Variants in PPP2R2B observed in about 807,000 individuals in gnomAD.
The protein encoded by PPP2R2B is serine/threonine-protein phosphatase 2A 55 kDa regulatory subunit B beta isoform.
PPP2R2B carries 5 observed loss-of-function variants against 46.0 expected under a neutral mutation model. The ratio of observed to expected loss-of-function variants is 0.11; its 90% CI spans 0.06 to 0.23. The LOEUF is 0.23. Ranked by LOEUF, PPP2R2B falls within the 10% of genes least tolerant of loss-of-function variation. PPP2R2B has a pLI of 1.00. For missense variants in PPP2R2B, 367 were observed against 575.0 expected, an observed-to-expected ratio of 0.64 and a Z score of 3.70; for synonymous variants, 215 against 206.7, an observed-to-expected ratio of 1.04 and a Z score of -0.34.
intron 7 of PPP2R2B, among the ~76,000 whole-genome samples, chr5:146,602,805 C>T (rs1771910157): frequency 6.6e-6 from 1 of 152,132 alleles, no homozygotes; most frequent in South Asian, 2.1e-4. Flanking sequence ...GCCTCTGACC[C>T]AATGTCTTAG....
At chr5:146,946,464 T>C (rs1360534690) in intron 1 of PPP2R2B, among the ~76,000 whole-genome samples, 1 of 152,124 alleles carries the variant, frequency 6.6e-6, no homozygotes, top group Non-Finnish European at 1.5e-5. Context: ...GTGCAATCAA[T>C]AGTGTTACTT....
upstream of PPP2R2B, chr5:146,878,872 C>G (rs531687872): frequency 8.4e-7 from 1 of 1,184,648 alleles, no homozygotes; most frequent in East Asian, 4.2e-5. The surrounding 1 kb of genome is among the most constrained non-coding windows in gnomAD (Gnocchi z 4.5). Context: ...TGCGGCTGCT[C>G]TTTGCTGCAG....
At chr5:146,674,363 A>G (rs985224263) in intron 5 of PPP2R2B, among the ~76,000 whole-genome samples, 2 of 152,306 alleles carry the variant, frequency 1.3e-5, no homozygotes, top group East Asian at 1.9e-4. Context: ...GATTTCAACT[A>G]TGGGATTTCT....
intron 7 of PPP2R2B, among the ~76,000 whole-genome samples, chr5:146,624,298 A>G (rs1773897369): frequency 6.6e-6 from 1 of 152,186 alleles, no homozygotes; most frequent in African/African-American, 2.4e-5. Context: ...CAGAATTTGT[A>G]AATTTCCCCT....
chr5:147,049,500 A>G (rs960068600), intron 1 of PPP2R2B, among the ~76,000 whole-genome samples: 1 of 152,146 alleles, frequency 6.6e-6, no homozygotes, highest in Non-Finnish European at 1.5e-5. Context: ...GGAGTTGGAT[A>G]TAGAAATTAA....
intron 5 of PPP2R2B, among the ~76,000 whole-genome samples, chr5:146,668,666 T>C (rs1053990521): frequency 6.6e-6 from 1 of 152,234 alleles, no homozygotes. Flanking sequence ...TCTGCAACTT[T>C]ACTTTGGCTG....
Position 146,878,341 on chromosome 5 carries a change from G to A in PPP2R2B, c.-124-146C>T, listed in dbSNP as rs1267465371. On this transcript the variant is annotated intron_variant, in intron 1 of 9. Coordinates refer to ENST00000394411, the MANE Select transcript of PPP2R2B (RefSeq NM_181675.4). The surrounding 1 kb of genome is among the most constrained non-coding windows in gnomAD (Gnocchi z 4.5). ...AGCTCCAGTTCCCAGCGAGGATGCT[G>A]CGCCTGCCTCCGCTGCCTCCGGGTG... The A allele has an allele frequency of 4.1e-5, 59 of 1,438,178 alleles. No individual in the cohort carries two copies. Among genetic ancestry groups the A allele is most frequent in the Non-Finnish European group, 4.6e-5 (51 of 1,103,046 alleles). The allele number at this position is 1,438,178 out of a possible 1,614,324, so 89.1% of individuals were successfully genotyped here. A position where few individuals can be genotyped will look rare whatever the true frequency, so the allele number is the denominator to read the frequency against.
At chr5:146,642,927 T>G (rs1281291302) in intron 6 of PPP2R2B, among the ~76,000 whole-genome samples, 1 of 152,068 alleles carries the variant, frequency 6.6e-6, no homozygotes, top group African/African-American at 2.4e-5. Context: ...TGTGGTGGCA[T>G]GCACCTGTAG....
intron 5 of PPP2R2B, among the ~76,000 whole-genome samples, chr5:146,683,533 A>G (rs1778306210): frequency 6.6e-6 from 1 of 152,238 alleles, no homozygotes; most frequent in Admixed American, 6.5e-5. Flanking sequence ...AAATTAGCCA[A>G]TGCATGCAAA....
intron 2 of PPP2R2B, among the ~76,000 whole-genome samples, chr5:146,874,396 A>T (rs1477373522): frequency 6.6e-6 from 1 of 152,222 alleles, no homozygotes; most frequent in African/African-American, 2.4e-5. Context: ...ACAGTTTTTT[A>T]AAAAGGCTTC....
intron 2 of PPP2R2B, among the ~76,000 whole-genome samples, chr5:146,875,714 A>G (rs1421121769): frequency 6.6e-6 from 1 of 152,256 alleles, no homozygotes; most frequent in Non-Finnish European, 1.5e-5. Flanking sequence ...AGCAAGATCT[A>G]TGGAAGGACT....
rs1257682708 is a variant in PPP2R2B at position 147,011,070 on chromosome 5, TGC to T, written c.79+44593_79+44594del. On this transcript the variant is annotated intron_variant, in intron 1 of 8. Coordinates refer to the PPP2R2B transcript ENST00000336640. ...GCTCCCTTCCTGTGACCTTTCTGGA[TGC>T]CTTTCCGACTACTGCCCCTTCTTCA... Among the ~76,000 whole-genome samples, 729 of 152,294 alleles carry T rather than the reference TGC, an allele frequency of 4.8e-3. 4 individuals are homozygous for T. Among genetic ancestry groups the T allele is most frequent in the African/African-American group, 0.017 (691 of 41,574 alleles).
At chr5:146,793,653 C>A (rs1203157492) in intron 2 of PPP2R2B, among the ~76,000 whole-genome samples, 1 of 152,152 alleles carries the variant, frequency 6.6e-6, no homozygotes, top group Non-Finnish European at 1.5e-5. Flanking sequence ...GGGACTGAAA[C>A]CCAGGCAGTC....
At chr5:146,819,512 C>T (rs1176790120) in intron 2 of PPP2R2B, among the ~76,000 whole-genome samples, 1 of 152,102 alleles carries the variant, frequency 6.6e-6, no homozygotes, top group Non-Finnish European at 1.5e-5. Context: ...CCTGACCTTC[C>T]TAACAAAAGA....
At chr5:146,726,347 A>T (rs867249952) in intron 2 of PPP2R2B, among the ~76,000 whole-genome samples, 13 of 152,202 alleles carry the variant, frequency 8.5e-5, no homozygotes, top group Admixed American at 4.6e-4. Context: ...GAGGACAAAG[A>T]GTGGAACACA....
At chr5:146,711,617 G>T (rs891340900) in intron 2 of PPP2R2B, among the ~76,000 whole-genome samples, 2 of 152,188 alleles carry the variant, frequency 1.3e-5, no homozygotes, top group African/African-American at 4.8e-5. Flanking sequence ...TTGGGAGAGG[G>T]CATGGAGGTG....
At chr5:146,656,995 A>T (rs1347785533) in intron 5 of PPP2R2B, among the ~76,000 whole-genome samples, 1 of 152,168 alleles carries the variant, frequency 6.6e-6, no homozygotes, top group Non-Finnish European at 1.5e-5. Context: ...TACTAACAAA[A>T]TGAATGTTGC....
chr5:146,936,194 T>C (rs1296180713), intron 1 of PPP2R2B, among the ~76,000 whole-genome samples: 1 of 152,162 alleles, frequency 6.6e-6, no homozygotes, highest in East Asian at 1.9e-4. Flanking sequence ...TGTGTCTCAG[T>C]ATCTTATCTT....
At chr5:146,664,253 G>A (rs1418398627) in intron 5 of PPP2R2B, among the ~76,000 whole-genome samples, 2 of 152,164 alleles carry the variant, frequency 1.3e-5, no homozygotes, top group South Asian at 2.1e-4. Flanking sequence ...TTTATCCACA[G>A]AACTTCTTTC....
Sources: allele counts gnomAD v4.1 joint callset (sites outside exome capture counted in the v4.1 genomes callset), GRCh38; gene constraint gnomAD v4.1.1; non-coding constraint Gnocchi (gnomAD v3.1); transcripts MANE v1.5; gene names NCBI Gene and HGNC (gene_info 2026-07-23, HGNC 2026-07-21).